Variants in TMEM184C observed in about 807,000 individuals in gnomAD.
TMEM184C encodes the protein transmembrane protein 34.
TMEM184C carries 25 observed loss-of-function variants against 54.5 expected under a neutral mutation model. The ratio of observed to expected loss-of-function variants is 0.46; its 90% confidence interval spans 0.33 to 0.64. The LOEUF (loss-of-function observed/expected upper bound fraction) is 0.64, where lower values mean the gene tolerates loss of function less well. Among genes scored for constraint, TMEM184C ranks in the 30% least tolerant of loss-of-function variants. TMEM184C has a pLI of 0.02. For missense variants in TMEM184C, 335 were observed against 520.3 expected (o/e 0.64, Z 3.46); for synonymous variants, 148 against 181.5 (o/e 0.82, Z 1.49).
At position 147,624,813 on chromosome 4, in the gene TMEM184C, T is replaced by C. The variant is rs1732783124; in HGVS notation, c.301T>C (p.Leu101=). 1 of 1,613,598 alleles carries C rather than the reference T, an allele frequency of 6.2e-7. No homozygotes were observed. Residue 101 remains leucine, a synonymous_variant, in exon 4 of 10, where the codon TTG becomes CTG. Coordinates refer to ENST00000296582, the MANE Select transcript of TMEM184C (RefSeq NM_018241.3). The stretch of plus-strand genomic sequence containing the variant: ...CTGTGCTTTTTCATAGTGGATAGCT[T>C]TGAAATATCCCGGAATTGCAATATA... The part of the protein sequence containing the change: ...PIYSLDSWIA[L]KYPGIAIYVD...
intron 1 of TMEM184C, among the ~76,000 whole-genome samples, chr4:147,619,512 T>C (rs1423429229): frequency 2.6e-5 from 4 of 152,206 alleles, no homozygotes; most frequent in African/African-American, 7.2e-5. Context: ...TTATTTTTAA[T>C]GGCCATGTAA....
At chr4:147,619,396 C>T (rs1243768761) in intron 1 of TMEM184C, among the ~76,000 whole-genome samples, 4 of 151,966 alleles carry the variant, frequency 2.6e-5, no homozygotes, top group East Asian at 1.9e-4. Context: ...CGGGGTTTCA[C>T]GGTGTTGGCC....
Position 147,626,891 on chromosome 4 carries a change from G to A in TMEM184C, c.498-1470G>A, listed in dbSNP as rs1025961356. Among the ~76,000 whole-genome samples, 3 of 152,194 alleles carry A rather than the reference G, an allele frequency of 2.0e-5. No homozygotes were observed. The East Asian group carries it at 5.8e-4, about 29-fold the overall frequency. On this transcript the variant is annotated intron_variant, in intron 4 of 9. Transcript: ENST00000296582. ...AGGGAGACAGATTGTGCTCAACTCT[G>A]AAGGCAACAAGGACAAATGGGCATT...
chr4:147,632,706 G>A (rs553080389), intron 7 of TMEM184C, 197 bp from the exon 8 acceptor site: 3 of 506,514 alleles, frequency 5.9e-6, no homozygotes, highest in Admixed American at 3.6e-5. Context: ...CCTATCTTGA[G>A]ACAAAACTAC....
chr4:147,634,517 T>C lies in TMEM184C; in HGVS notation c.*83T>C. 1 of 1,457,762 alleles carries C rather than the reference T, an allele frequency of 6.9e-7. No individual in the cohort carries two copies. The highest frequency in any genetic ancestry group is 9.2e-7 in the Non-Finnish European group (1 of 1,085,572). 90.3% of individuals were successfully genotyped at this position (1,457,762 alleles called of 1,614,324 possible). On this transcript the variant is annotated 3_prime_UTR_variant, in exon 10 of 10. Transcript: ENST00000296582. The stretch of plus-strand genomic sequence containing the variant: ...TGGATTTTGTGCTTGGGACAGACCA[T>C]AAATGATGGAAAATGTCAACACAAA...
At chr4:147,625,119 C>A in intron 4 of TMEM184C, 110 bp downstream of exon 4, 1 of 1,048,736 alleles carries the variant, frequency 9.5e-7, no homozygotes. Flanking sequence ...AATAGCAGAA[C>A]AATAAGTATA....
chr4:147,628,601 G>C (rs557182822), intron 5 of TMEM184C, among the ~76,000 whole-genome samples, 166 bp downstream of exon 5: 2 of 151,928 alleles, frequency 1.3e-5, no homozygotes, highest in Admixed American at 1.3e-4. Context: ...TAAATAACAT[G>C]ACCATTTATA....
chr4:147,633,270 T>TGAC (rs1732949234), intron 8 of TMEM184C, among the ~76,000 whole-genome samples: 1 of 151,548 alleles, frequency 6.6e-6, no homozygotes, highest in Non-Finnish European at 1.5e-5. Flanking sequence ...ATATACTTGA[T>TGAC]GTGATTGAGA....
At chr4:147,622,528 C>T (rs115788232) in intron 1 of TMEM184C, among the ~76,000 whole-genome samples, 3,810 of 152,116 alleles carry the variant, frequency 0.025, 69 homozygotes, top group Middle Eastern at 0.038. Flanking sequence ...ATAGTATATG[C>T]ATATAGGATT....
At chr4:147,618,222 T>A in intron 1 of TMEM184C, 143 bp downstream of exon 1, 1 of 1,235,452 alleles carries the variant, frequency 8.1e-7, no homozygotes, top group Non-Finnish European at 1.1e-6. Flanking sequence ...TATAAACCTG[T>A]CTAATTTCTT....
intron 4 of TMEM184C, among the ~76,000 whole-genome samples, chr4:147,627,276 A>C (rs1732832064): frequency 6.6e-6 from 1 of 151,148 alleles, no homozygotes; most frequent in African/African-American, 2.4e-5. Flanking sequence ...CCGGTATCTA[A>C]ATTTCATTTT....
At position 147,636,710 on chromosome 4, in the gene TMEM184C, T is replaced by G. The variant is rs1294631505; in HGVS notation, c.*2276T>G. 27 of 152,046 alleles carry G rather than the reference T, an allele frequency of 1.8e-4. No homozygotes were observed. Among genetic ancestry groups the G allele is most frequent in the Non-Finnish European group, 1.0e-4 (7 of 67,960 alleles). 9.4% of individuals were successfully genotyped at this position (152,046 alleles called of 1,614,324 possible). On this transcript the variant is annotated 3_prime_UTR_variant, in exon 10 of 10. Transcript: ENST00000296582. ...CTACAGATTGAGTAAAAAATATTTG[T>G]AAGGCATATATATGGAAAAGGGTTA... is the stretch of plus-strand genomic sequence containing the variant.
chr4:147,621,056 T>C (rs1317184862), intron 1 of TMEM184C, among the ~76,000 whole-genome samples: 1 of 152,232 alleles, frequency 6.6e-6, no homozygotes, highest in Non-Finnish European at 1.5e-5. Flanking sequence ...TACCCATTTA[T>C]TGGAATGGTA....
intron 4 of TMEM184C, 31 bp from the exon 5 acceptor site, chr4:147,628,330 G>T: frequency 4.5e-6 from 7 of 1,570,596 alleles, no homozygotes; most frequent in Non-Finnish European, 5.2e-6. Flanking sequence ...TAAATGAGTA[G>T]TTGAAATTCT....
chr4:147,632,976 G>A lies in TMEM184C; in HGVS notation c.853G>A (p.Val285Ile), dbSNP rs1189045249. The A allele has an allele frequency of 6.2e-7, 1 of 1,614,108 alleles. No individual in the cohort carries two copies. Among genetic ancestry groups the A allele is most frequent in the Non-Finnish European group, 8.5e-7 (1 of 1,179,970 alleles). ...SEKHTWEWQTVEAVATGLQDF... is the reference protein window; with the variant it reads ...SEKHTWEWQTIEAVATGLQDF... ...AAAGCATACGTGGGAATGGCAAACT[G>A]TAGAAGCTGTGGCCACCGGACTCCA... Residue 285 changes from valine (V) to isoleucine (I), a missense_variant, in exon 8 of 10, where the codon GTA becomes ATA. Coordinates refer to ENST00000296582, the MANE Select transcript of TMEM184C (RefSeq NM_018241.3).
chr4:147,628,757 T>C (rs1431832907), intron 5 of TMEM184C, among the ~76,000 whole-genome samples: 1 of 152,162 alleles, frequency 6.6e-6, no homozygotes, highest in Non-Finnish European at 1.5e-5. Context: ...AGTATGCTAC[T>C]TTAGGTTAAT....
intron 8 of TMEM184C, 38 bp from the exon 9 acceptor site, chr4:147,633,727 A>C: frequency 3.4e-6 from 5 of 1,487,196 alleles, no homozygotes; most frequent in Non-Finnish European, 4.5e-6. Flanking sequence ...CTAGATTTAA[A>C]TCCAAAGGTG....
intron 7 of TMEM184C, among the ~76,000 whole-genome samples, chr4:147,632,078 CAGG>C (rs1000551635): frequency 6.7e-6 from 1 of 148,430 alleles, no homozygotes; most frequent in African/African-American, 2.5e-5. Flanking sequence ...GCAGGGAAGG[CAGG>C]AGAATTACCT....
intron 3 of TMEM184C, among the ~76,000 whole-genome samples, 200 bp from the exon 4 acceptor site, chr4:147,624,604 A>T (rs1475482389): frequency 6.6e-6 from 1 of 152,166 alleles, no homozygotes; most frequent in African/African-American, 2.4e-5. Context: ...TTGTTTACCA[A>T]TATCTAAGAT....
Sources: gnomAD v4.1 joint callset for allele counts (sites outside exome capture counted in the v4.1 genomes callset) on GRCh38, gnomAD v4.1.1 for gene constraint, MANE v1.5 for transcripts, NCBI Gene and HGNC (gene_info 2026-07-23, HGNC 2026-07-21) for gene names.